Variants in STK10 observed in about 807,000 individuals in gnomAD.
STK10 encodes serine/threonine-protein kinase 10.
In STK10, 78 loss-of-function variants were observed where a neutral mutation model predicts 113.8. The observed-to-expected ratio is 0.69, with a 90% CI of 0.57 to 0.83. The LOEUF is 0.83. STK10 is among the 40% of genes least tolerant of loss of function. The pLI is 0.00. For missense variants in STK10, 1,109 were observed against 1,280.1 expected (o/e 0.87, Z 2.04); for synonymous variants, 465 against 494.7 (o/e 0.94, Z 0.80).
At chr5:172,098,499 A>G (rs2113753646) in intron 7 of STK10, among the ~76,000 whole-genome samples, 1 of 152,258 alleles carries the variant, frequency 6.6e-6, no homozygotes, top group African/African-American at 2.4e-5. Flanking sequence ...GACACACAGG[A>G]TGCAGAGGAA....
intron 10 of STK10, among the ~76,000 whole-genome samples, chr5:172,085,158 T>C (rs975552081): frequency 1.3e-5 from 2 of 151,930 alleles, no homozygotes; most frequent in African/African-American, 2.4e-5. Context: ...GGCCGGAAGA[T>C]TGCTTGAGCC....
chr5:172,047,361 T>C (rs1767512896), intron 18 of STK10, among the ~76,000 whole-genome samples: 1 of 152,200 alleles, frequency 6.6e-6, no homozygotes, highest in South Asian at 2.1e-4. Flanking sequence ...GGAAACGCGA[T>C]CATTCATTTT....
At chr5:172,081,243 C>G (rs945950584) in intron 12 of STK10, among the ~76,000 whole-genome samples, 2 of 149,764 alleles carry the variant, frequency 1.3e-5, no homozygotes, top group Non-Finnish European at 3.0e-5. Flanking sequence ...CCCAGCTACT[C>G]GGGAGGCTGA....
At chr5:172,153,229 T>G (rs1770274741) in intron 2 of STK10, among the ~76,000 whole-genome samples, 1 of 151,202 alleles carries the variant, frequency 6.6e-6, no homozygotes, top group South Asian at 2.1e-4. Flanking sequence ...GAGGTTGTGG[T>G]GAGCTGAAAT....
At chr5:172,159,356 G>A (rs1327530822) in intron 1 of STK10, among the ~76,000 whole-genome samples, 1 of 152,092 alleles carries the variant, frequency 6.6e-6, no homozygotes, top group Non-Finnish European at 1.5e-5. Flanking sequence ...CCAGGCAACA[G>A]AGCGAAATCC....
In STK10 at chr5:172,055,619, C is replaced by T; in HGVS notation, c.2495G>A (p.Ser832Asn). Reference sequence around the variant, plus strand: ...GATCTTCTCACGCTGCTCAGCTGCGCTGCCCCCGCCGTTGATGTGGAGGCT... The same window carrying T: ...GATCTTCTCACGCTGCTCAGCTGCGTTGCCCCCGCCGTTGATGTGGAGGCT... The part of the protein sequence containing the change: ...KKSLHINGGG[S>N]AAEQREKIKQ... Residue 832 changes from serine (S) to asparagine (N), a missense_variant, in exon 16 of 19, where the codon AGC becomes AAC. Physicochemically the swap from Ser to Asn is conservative, Grantham distance 46 (BLOSUM62 1). Around this residue, in one of 5 missense-constraint regions of STK10, gnomAD observed 885 missense variants for 991.1 expected, o/e 0.89. Coordinates refer to ENST00000176763, the MANE Select transcript of STK10 (RefSeq NM_005990.4). 6.5e-7 allele frequency: 1 copy of T among 1,549,032 alleles called. No individual in the cohort carries two copies. The highest frequency in any genetic ancestry group is 8.7e-7 in the Non-Finnish European group (1 of 1,143,144).
At chr5:172,169,167 TCCC>T (rs1770621526) in intron 1 of STK10, among the ~76,000 whole-genome samples, 1 of 152,006 alleles carries the variant, frequency 6.6e-6, no homozygotes, top group Non-Finnish European at 1.5e-5. Context: ...CCAGCCCACC[TCCC>T]CGACTAGAAT....
chr5:172,172,212 T>C (rs1195538118), intron 1 of STK10, among the ~76,000 whole-genome samples: 1 of 150,728 alleles, frequency 6.6e-6, no homozygotes, highest in Non-Finnish European at 1.5e-5. Flanking sequence ...CAGTATGGCA[T>C]GCACAGCCCT....
Position 172,053,013 on chromosome 5 carries a change from G to A in STK10, c.2682C>T (p.His894=), listed in dbSNP as rs759851209. ...CCAGGGCCTTCAGTTTCTGGGTTTC[G>A]TGCTCTACCAGGAGGTGGCACTTTT... The part of the protein sequence containing the change: ...QNEKCHLLVE[H]ETQKLKALDE... The change falls in exon 18 of 19, where the codon CAC becomes CAT. Residue 894 remains histidine (H), a synonymous_variant. Coordinates refer to ENST00000176763, the MANE Select transcript of STK10 (RefSeq NM_005990.4). The A allele has an allele frequency of 1.4e-5, 23 of 1,613,986 alleles. No homozygotes were observed. In the African/African-American group the frequency reaches 1.5e-4, roughly 10 times the overall value.
At position 172,107,859 on chromosome 5, in the gene STK10, G is replaced by A. The variant is rs200199278; in HGVS notation, c.521-7C>T. On this transcript the variant is annotated splice_polypyrimidine_tract_variant and splice_region_variant and intron_variant, in intron 4 of 18. Coordinates refer to ENST00000176763, the MANE Select transcript of STK10 (RefSeq NM_005990.4). ...GCAGACACACCAAAGTCAGCTGCAAGACAAAATCTCAGCTAGCGTTTTCCA... is the reference window on the plus strand; with the variant it reads ...GCAGACACACCAAAGTCAGCTGCAAAACAAAATCTCAGCTAGCGTTTTCCA... 2 of 1,614,070 alleles carry A rather than the reference G, an allele frequency of 1.2e-6. No homozygotes were observed. Among genetic ancestry groups the A allele is most frequent in the East Asian group, 2.2e-5 (1 of 44,884 alleles).
intron 12 of STK10, among the ~76,000 whole-genome samples, chr5:172,070,404 A>G (rs1768152062): frequency 6.6e-6 from 1 of 151,952 alleles, no homozygotes; most frequent in African/African-American, 2.4e-5. Flanking sequence ...TGGGTCAAAG[A>G]GGAAGTTGCA....
intron 9 of STK10, chr5:172,092,817 G>A (rs1768748703): frequency 6.6e-6 from 1 of 152,310 alleles, no homozygotes; most frequent in Non-Finnish European, 1.5e-5. Flanking sequence ...CTCCCACTGG[G>A]AAGGTTTAGA....
Position 172,120,201 on chromosome 5 carries a change from C to T in STK10, c.371-2571G>A, listed in dbSNP as rs547887110. 2.3e-4 allele frequency among the ~76,000 whole-genome samples: 35 copies of T among 152,296 alleles called. No individual in the cohort carries two copies. The highest frequency in any genetic ancestry group is 4.1e-4 in the Non-Finnish European group (28 of 68,012). ...GCCTGCCAGGTTCCCAGGCTGTCGG[C>T]TTCTAAGCCTGGTCACCAAAGGGCA... On this transcript the variant is annotated intron_variant, in intron 3 of 18. Transcript: ENST00000176763. The surrounding 1 kb of genome is among the most constrained non-coding windows in gnomAD (Gnocchi z 4.0).
chr5:172,186,614 C>T (rs1368033999), intron 1 of STK10, among the ~76,000 whole-genome samples: 1 of 151,900 alleles, frequency 6.6e-6, no homozygotes, highest in Non-Finnish European at 1.5e-5. Context: ...AGAGGGAAAC[C>T]CTGTCTCAAA....
rs1383226337 is a variant in STK10, at chr5:172,043,715, G to A, written c.*1167C>T. The A allele has an allele frequency of 6.6e-6, 1 of 152,200 alleles. No homozygotes were observed. Among genetic ancestry groups the A allele is most frequent in the Admixed American group, 6.5e-5 (1 of 15,274 alleles). 9.4% of individuals were successfully genotyped at this position (152,200 alleles called of 1,614,324 possible). On this transcript the variant is annotated 3_prime_UTR_variant, in exon 19 of 19. Coordinates refer to ENST00000176763, the MANE Select transcript of STK10 (RefSeq NM_005990.4). The stretch of plus-strand genomic sequence containing the variant: ...AACTGAGACCCCGAAGGCCCAGCAG[G>A]AGTCCATCTGAGGTACAGAACCTGT...
rs769128077 is a variant in STK10 at position 172,106,623 on chromosome 5, T to TTG, written c.784_785insCA (p.Lys262ThrfsTer5). The TTG allele has an allele frequency of 9.3e-6, 15 of 1,611,688 alleles. No homozygotes were observed. Among genetic ancestry groups the TTG allele is most frequent in the Non-Finnish European group, 1.2e-5 (14 of 1,179,576 alleles). On this transcript the variant is annotated frameshift_variant, in exon 6 of 19. Coordinates refer to ENST00000176763, the MANE Select transcript of STK10 (RefSeq NM_005990.4). LOFTEE classifies it high-confidence loss of function. ...TGGCCCTGCCCCTGCCCCTCACCAC[T>TTG]TAGAGGGCGTGAGCAGCGTGGGAGG...
At position 172,082,635 on chromosome 5, in the gene STK10, G is replaced by T; in HGVS notation, c.1810-130C>A. 1 of 1,226,602 alleles carries T rather than the reference G, an allele frequency of 8.2e-7. No homozygotes were observed. Among genetic ancestry groups the T allele is most frequent in the Non-Finnish European group, 1.1e-6 (1 of 905,760 alleles). 76.0% of individuals were successfully genotyped at this position (1,226,602 alleles called of 1,614,324 possible). ...GCTTGAATCCCAGCTCTACTACCCC[G>T]TTGCTGTGTGACCTGGGGCAAGTTA... On this transcript the variant is annotated intron_variant, in intron 11 of 18. Coordinates refer to ENST00000176763, the MANE Select transcript of STK10 (RefSeq NM_005990.4). The surrounding 1 kb of genome is among the most constrained non-coding windows in gnomAD (Gnocchi z 4.3).
chr5:172,145,932 C>T (rs1446344992), intron 2 of STK10, among the ~76,000 whole-genome samples: 2 of 152,194 alleles, frequency 1.3e-5, no homozygotes, highest in African/African-American at 2.4e-5. Context: ...CCTGCACCAG[C>T]GCCTGCCCCG....
chr5:172,094,983 C>T (rs1234057831), intron 8 of STK10, among the ~76,000 whole-genome samples: 2 of 152,122 alleles, frequency 1.3e-5, no homozygotes, highest in African/African-American at 2.4e-5. Context: ...TCCATGTAGC[C>T]ACTTTCCAGG....
Sources: allele counts gnomAD v4.1 joint callset (sites outside exome capture counted in the v4.1 genomes callset), GRCh38; gene constraint gnomAD v4.1.1; regional missense constraint gnomAD v4.1.1; non-coding constraint Gnocchi (gnomAD v3.1); transcripts MANE v1.5; gene names NCBI Gene and HGNC (gene_info 2026-07-23, HGNC 2026-07-21).